The following PRPF18 variants were observed in gnomAD, a reference collection of about 807,000 sequenced individuals.
The protein encoded by PRPF18 is pre-mRNA-splicing factor 18.
A neutral mutation model predicts 46.5 loss-of-function variants in PRPF18; 38 were observed. That is an observed-to-expected ratio of 0.82 (90% CI 0.63 to 1.07). PRPF18 has a LOEUF of 1.07. Ranked by LOEUF, PRPF18 falls within the 50% of genes least tolerant of loss-of-function variation. The pLI, the probability that PRPF18 is intolerant of heterozygous loss-of-function variation, is 0.00. For missense variants in PRPF18, 263 were observed against 410.0 expected (o/e 0.64, Z 3.10); for synonymous variants, 152 against 146.7 (o/e 1.04, Z -0.26).
the PRPF18 span, chr10:13,653,930 G>GCAAACATGTCAAGCTA: frequency 5.2e-6 from 1 of 190,630 alleles, no homozygotes; most frequent in African/African-American, 2.3e-5. Flanking sequence ...GATCTCTTTT[G>GCAAACATGTCAAGCTA]TGTGTTGAGA....
In PRPF18 at chr10:13,590,325, G is replaced by A. The variant is rs192804367; in HGVS notation, c.66+3173G>A. Among the ~76,000 whole-genome samples, 262 of 151,668 alleles carry A rather than the reference G, an allele frequency of 1.7e-3. 1 individual carries two copies. The Middle Eastern group carries it at 0.024, about 14-fold the overall frequency. On this transcript the variant is annotated intron_variant, in intron 1 of 9. Transcript: ENST00000378572. ...ATGGGAATTAAAATACTGACATTCG[G>A]CCGGGCGCGGTGGCTCACGCCTGTA... is the stretch of plus-strand genomic sequence containing the variant.
intron 9 of PRPF18, among the ~76,000 whole-genome samples, chr10:13,624,656 A>C (rs942625112): frequency 4.6e-5 from 7 of 152,266 alleles, no homozygotes; most frequent in African/African-American, 1.7e-4. Context: ...TTGACAAATG[A>C]GACCTTTAGT....
intron 8 of PRPF18, among the ~76,000 whole-genome samples, chr10:13,615,086 A>G (rs553440969): frequency 4.8e-4 from 73 of 152,212 alleles, no homozygotes; most frequent in Non-Finnish European, 9.6e-4. Flanking sequence ...TTCTCAAAGA[A>G]AATATTTTTT....
intron 4 of PRPF18, among the ~76,000 whole-genome samples, chr10:13,608,552 AT>A (rs1355799186): frequency 2.6e-5 from 4 of 152,228 alleles, no homozygotes; most frequent in African/African-American, 9.6e-5. Context: ...TCTGCCTTGT[AT>A]GCTCTGGTTG....
At chr10:13,649,192 T>C in the PRPF18 span, 2 of 152,206 alleles carry the variant, frequency 1.3e-5, no homozygotes, top group African/African-American at 4.8e-5. Flanking sequence ...GAGTCATAAT[T>C]GTGACAACAT....
At chr10:13,610,302 T>G in intron 5 of PRPF18, 117 bp downstream of exon 5, 1 of 1,137,940 alleles carries the variant, frequency 8.8e-7, no homozygotes, top group South Asian at 2.3e-5. Context: ...GGTCTTTTGT[T>G]TATTTACTCC....
chr10:13,636,564 A>G, the PRPF18 span, among the ~76,000 whole-genome samples: 127 of 152,332 alleles, frequency 8.3e-4, no homozygotes, highest in African/African-American at 2.8e-3. Flanking sequence ...GTGCTAAATT[A>G]CATTTCTTTT....
chr10:13,646,084 G>C, the PRPF18 span: 1 of 152,498 alleles, frequency 6.6e-6, no homozygotes, highest in Admixed American at 6.5e-5. Flanking sequence ...TGTCCAGATG[G>C]ATGGCGACTG....
the PRPF18 span, among the ~76,000 whole-genome samples, chr10:13,638,412 A>G: frequency 6.6e-6 from 1 of 151,660 alleles, no homozygotes; most frequent in Non-Finnish European, 1.5e-5. Context: ...AGAAAGAGAA[A>G]GTTGTTGCGG....
At chr10:13,599,863 C>T (rs939336260) in intron 2 of PRPF18, among the ~76,000 whole-genome samples, 1 of 152,166 alleles carries the variant, frequency 6.6e-6, no homozygotes, top group Non-Finnish European at 1.5e-5. Context: ...AATCAAATAA[C>T]CCTGCAAGAC....
At chr10:13,651,011 G>C in the PRPF18 span, 5 of 152,318 alleles carry the variant, frequency 3.3e-5, no homozygotes, top group East Asian at 9.7e-4. Context: ...TCTTCTGATA[G>C]GCAATTTGAT....
At chr10:13,639,060 AC>A in the PRPF18 span, 1 of 152,148 alleles carries the variant, frequency 6.6e-6, no homozygotes, top group African/African-American at 2.4e-5. Flanking sequence ...GTTCATTTCG[AC>A]TGGAATAAAA....
At chr10:13,592,957 G>A (rs1014635864) in intron 1 of PRPF18, among the ~76,000 whole-genome samples, 5 of 152,196 alleles carry the variant, frequency 3.3e-5, no homozygotes, top group Admixed American at 1.3e-4. Context: ...AGAGCACCCA[G>A]AACGGAGCCA....
the PRPF18 span, chr10:13,641,253 G>A: frequency 6.6e-6 from 1 of 152,274 alleles, no homozygotes; most frequent in Non-Finnish European, 1.5e-5. Context: ...AGAAAGCTTG[G>A]ATGATTCCCA....
chr10:13,599,085 A>G (rs1221699069), intron 2 of PRPF18, among the ~76,000 whole-genome samples: 13 of 152,170 alleles, frequency 8.5e-5, no homozygotes, highest in Admixed American at 8.5e-4. Context: ...ATTTTTGGAG[A>G]AATATGTTTC....
the PRPF18 span, chr10:13,642,530 T>C: frequency 2.8e-5 from 4 of 140,504 alleles, no homozygotes; most frequent in African/African-American, 1.1e-4. Flanking sequence ...GGAATCACCT[T>C]TTTTGGCACA....
Position 13,605,754 on chromosome 10 carries a change from C to T in PRPF18, c.363+10C>T. On this transcript the variant is annotated intron_variant, in intron 4 of 9. Transcript: ENST00000378572. ...ACCAGAAGTTAACAAGGTAAGAGGA[C>T]AGAACAAAGCTAGAAAAATACCACT... 1.2e-6 allele frequency: 2 copies of T among 1,602,810 alleles called. No individual in the cohort carries two copies. Among genetic ancestry groups the T allele is most frequent in the African/African-American group, 1.3e-5 (1 of 74,208 alleles).
chr10:13,617,751 A>C (rs1377711821), intron 9 of PRPF18, among the ~76,000 whole-genome samples: 1 of 152,120 alleles, frequency 6.6e-6, no homozygotes, highest in South Asian at 2.1e-4. Flanking sequence ...TATACCTAGC[A>C]TTTATTCAAG....
chr10:13,591,836 C>T (rs1213267643), intron 1 of PRPF18: 2 of 1,433,044 alleles, frequency 1.4e-6, no homozygotes, highest in African/African-American at 2.9e-5. Flanking sequence ...TTCAGGAAGA[C>T]CGCCCTCTTG....
Sources: gnomAD v4.1 joint callset for allele counts (sites outside exome capture counted in the v4.1 genomes callset) on GRCh38, gnomAD v4.1.1 for gene constraint, MANE v1.5 for transcripts, NCBI Gene and HGNC (gene_info 2026-07-23, HGNC 2026-07-21) for gene names.